The following DNAH11 variants were observed in gnomAD, a reference collection of about 807,000 sequenced individuals.
DNAH11 encodes dynein axonemal heavy chain 11, also known as axonemal beta dynein heavy chain 11.
Under a neutral mutation model 526.0 loss-of-function variants are expected in DNAH11, and 442 were observed. The ratio of observed to expected loss-of-function variants is 0.84; its 90% CI spans 0.78 to 0.91. The LOEUF (loss-of-function observed/expected upper bound fraction) is 0.91. DNAH11 is among the 40% of genes least tolerant of loss of function. The pLI, the probability that DNAH11 is intolerant of heterozygous loss-of-function variation, is 0.00. For missense variants in DNAH11, 6,989 were observed against 5,448.7 expected, an observed-to-expected ratio of 1.28 and a Z score of -8.90; for synonymous variants, 2,461 against 1,935.9, an observed-to-expected ratio of 1.27 and a Z score of -7.12.
Position 21,900,992 on chromosome 7 carries a change from G to GTGTT in DNAH11, c.13304-13_13304-10dup. ...AAGCTGCCACACAATTGCAACCGCTGTGTTTTTGCCATAGGCGCCCGCTGG... is the reference window on the plus strand; with the variant it reads ...AAGCTGCCACACAATTGCAACCGCTGTGTTTGTTTTTGCCATAGGCGCCCGCTGG... On this transcript the variant is annotated splice_polypyrimidine_tract_variant and intron_variant, in intron 81 of 81. Transcript: ENST00000409508. 6.4e-7 allele frequency: 1 copy of GTGTT among 1,565,564 alleles called. No homozygotes were observed. The highest frequency in any genetic ancestry group is 8.6e-7 in the Non-Finnish European group (1 of 1,156,394).
At chr7:21,888,182 A>G (rs78346678) in intron 76 of DNAH11, among the ~76,000 whole-genome samples, 11,806 of 152,174 alleles carry the variant, frequency 0.078, 521 homozygotes, top group South Asian at 0.12. Context: ...CATTCTCAAG[A>G]CACCATGATA....
At chr7:21,726,625 G>C (rs1785116065) in intron 45 of DNAH11, among the ~76,000 whole-genome samples, 1 of 151,748 alleles carries the variant, frequency 6.6e-6, no homozygotes, top group South Asian at 2.1e-4. Context: ...ACTTTGGGAG[G>C]CCGAGGTGGG....
chr7:21,825,063 G>T (rs1790219901), intron 65 of DNAH11, among the ~76,000 whole-genome samples: 1 of 152,036 alleles, frequency 6.6e-6, no homozygotes, highest in Non-Finnish European at 1.5e-5. Flanking sequence ...GTAGAAACAG[G>T]TTTCGCCATG....
At chr7:21,733,867 A>G (rs947846705) in intron 45 of DNAH11, among the ~76,000 whole-genome samples, 1 of 152,192 alleles carries the variant, frequency 6.6e-6, no homozygotes, top group African/African-American at 2.4e-5. Context: ...AGAAACAGGC[A>G]CAAAAAGAAG....
At chr7:21,862,534 AAAGAT>A in intron 69 of DNAH11, among the ~76,000 whole-genome samples, 1 of 152,308 alleles carries the variant, frequency 6.6e-6, no homozygotes, top group African/African-American at 2.4e-5. Flanking sequence ...TCATCACAAA[AAAGAT>A]AAGTATGTGA....
Position 21,589,382 on chromosome 7 carries a change from C to T in DNAH11, c.2148C>T (p.Leu716=), listed in dbSNP as rs770587150. ...LVKFSAINGL[L]CVNFDPKLVA... ...AATTCAGTGCCATAAATGGTCTTCT[C>T]TGTGTCAATTTTGACCCAAAGGTAG... Residue 716 remains leucine (L), a synonymous_variant, in exon 12 of 82, where the codon CTC becomes CTT. Coordinates refer to ENST00000409508, the MANE Select transcript of DNAH11 (RefSeq NM_001277115.2). 7 of 1,603,658 alleles carry T rather than the reference C, an allele frequency of 4.4e-6. No homozygotes were observed. The South Asian group carries it at 6.8e-5, about 16-fold the overall frequency.
At chr7:21,568,641 A>G (rs1783765511) in intron 6 of DNAH11, among the ~76,000 whole-genome samples, 1 of 152,138 alleles carries the variant, frequency 6.6e-6, no homozygotes, top group African/African-American at 2.4e-5. Flanking sequence ...TTCTTTGTCT[A>G]TGATTGTCTC....
intron 28 of DNAH11, among the ~76,000 whole-genome samples, chr7:21,647,124 C>T (rs796179369): frequency 1.3e-5 from 2 of 152,160 alleles, no homozygotes; most frequent in Admixed American, 6.6e-5. Context: ...TGTGCTAGGA[C>T]TTCCCAAAGT....
chr7:21,787,562 C>G lies in DNAH11; in HGVS notation c.9903C>G (p.Ile3301Met). ...FAAAGLCAWV[I>M]NIIKFYEVYC... The stretch of plus-strand genomic sequence containing the variant: ...CAGCTGGCCTGTGTGCCTGGGTCAT[C>G]AACATCATTAAATTCTATGAGGTAT... The change falls in exon 60 of 82, where the codon ATC becomes ATG. Residue 3301 changes from isoleucine to methionine, a missense_variant. Ile to Met is a conservative substitution (Grantham distance 10). Coordinates refer to ENST00000409508, the MANE Select transcript of DNAH11 (RefSeq NM_001277115.2). The G allele has an allele frequency of 1.2e-6, 2 of 1,611,228 alleles. 1 individual carries two copies. Among genetic ancestry groups the G allele is most frequent in the South Asian group, 2.2e-5 (2 of 90,290 alleles).
At chr7:21,610,267 C>G (rs1785467132) in intron 20 of DNAH11, among the ~76,000 whole-genome samples, 1 of 152,026 alleles carries the variant, frequency 6.6e-6, no homozygotes, top group Non-Finnish European at 1.5e-5. Flanking sequence ...AAAACAAAAA[C>G]AAAACAGAAA....
chr7:21,570,355 A>G, intron 7 of DNAH11, 56 bp downstream of exon 7: 4 of 1,357,166 alleles, frequency 2.9e-6, no homozygotes, highest in African/African-American at 1.5e-5. Flanking sequence ...AAAAGCCAGT[A>G]GCTTTTCACA....
chr7:21,545,221 C>T (rs1179695432), intron 2 of DNAH11, 72 bp downstream of exon 2: 11 of 1,241,882 alleles, frequency 8.9e-6, no homozygotes, highest in African/African-American at 2.0e-5. Context: ...AGGACAACTC[C>T]GATAATTAAA....
At chr7:21,864,401 A>T in intron 69 of DNAH11, 134 bp from the exon 70 acceptor site, 3 of 669,662 alleles carry the variant, frequency 4.5e-6, no homozygotes, top group Non-Finnish European at 7.0e-6. Flanking sequence ...TCAACAGTAG[A>T]ACAGATGTCA....
rs1278472845 is a variant in DNAH11 at position 21,899,192 on chromosome 7, A to C, written c.13050-144A>C. 11 of 681,542 alleles carry C rather than the reference A, an allele frequency of 1.6e-5. No individual in the cohort carries two copies. In the Admixed American group the frequency reaches 2.4e-4, roughly 15 times the overall value. The allele number at this position is 681,542 out of a possible 1,614,324, so 42.2% of individuals were successfully genotyped here. ...CCCTTTAAAGGGACAGTGCCCTGCA[A>C]ATTGTCAGGGAAGGATTTTACCAGC... On this transcript the variant is annotated intron_variant, in intron 79 of 81. Coordinates refer to ENST00000409508, the MANE Select transcript of DNAH11 (RefSeq NM_001277115.2).
At chr7:21,800,056 C>A (rs1046483964) in intron 61 of DNAH11, among the ~76,000 whole-genome samples, 4 of 152,196 alleles carry the variant, frequency 2.6e-5, no homozygotes, top group African/African-American at 9.7e-5. Flanking sequence ...AAGACAAACT[C>A]ATGGACAAAA....
At chr7:21,639,496 A>G (rs1423063099) in intron 28 of DNAH11, among the ~76,000 whole-genome samples, 1 of 152,208 alleles carries the variant, frequency 6.6e-6, no homozygotes, top group African/African-American at 2.4e-5. Flanking sequence ...GCTTATCTTC[A>G]GTGCTGTCCA....
intron 42 of DNAH11, 60 bp downstream of exon 42, chr7:21,711,920 T>G (rs371515070): frequency 5.8e-6 from 9 of 1,543,482 alleles, no homozygotes; most frequent in Non-Finnish European, 7.0e-6. Context: ...TTTACCATTT[T>G]CATAATTTTT....
chr7:21,704,770 G>A (rs970173024), intron 38 of DNAH11, 142 bp downstream of exon 38: 8 of 914,674 alleles, frequency 8.7e-6, no homozygotes, highest in Non-Finnish European at 1.2e-5. Context: ...ATTTTCATAT[G>A]GCAGGATTAA....
chr7:21,680,225 G>C (rs544397313), intron 30 of DNAH11, among the ~76,000 whole-genome samples: 2 of 152,234 alleles, frequency 1.3e-5, no homozygotes, highest in South Asian at 4.2e-4. Flanking sequence ...CCTGTATTTT[G>C]ACAGTAGGCT....
Sources: gnomAD v4.1 joint callset for allele counts (sites outside exome capture counted in the v4.1 genomes callset) on GRCh38, gnomAD v4.1.1 for gene constraint, MANE v1.5 for transcripts, NCBI Gene and HGNC (gene_info 2026-07-23, HGNC 2026-07-21) for gene names.